The following ALKBH8 variants were observed in gnomAD, a reference collection of about 807,000 sequenced individuals.
The protein encoded by ALKBH8 is alkB homolog 8, tRNA methyltransferase, also known as tRNA (carboxymethyluridine(34)-5-O)-methyltransferase ALKBH8.
Under a neutral mutation model 59.8 loss-of-function variants are expected in ALKBH8, and 36 were observed. The ratio of observed to expected loss-of-function variants is 0.60; its 90% CI spans 0.46 to 0.79. ALKBH8 has a LOEUF of 0.79. Ranked by LOEUF, ALKBH8 falls within the 30% of genes least tolerant of loss-of-function variation. ALKBH8 has a pLI of 0.00. For synonymous variants in ALKBH8, 276 were observed against 273.6 expected, an observed-to-expected ratio of 1.01 and a Z score of -0.09; for missense variants, 768 against 801.0, an observed-to-expected ratio of 0.96 and a Z score of 0.50.
intron 7 of ALKBH8, among the ~76,000 whole-genome samples, chr11:107,545,381 A>C (rs1864206739): frequency 6.6e-6 from 1 of 152,184 alleles, no homozygotes; most frequent in African/African-American, 2.4e-5. Flanking sequence ...TGACTAAAAA[A>C]ACCCATTCAG....
chr11:107,550,190 A>G (rs1864431951), intron 6 of ALKBH8, among the ~76,000 whole-genome samples: 1 of 152,232 alleles, frequency 6.6e-6, no homozygotes. Context: ...CAAAAGCAAT[A>G]ACCAGGTATA....
rs1864365685 is a variant in ALKBH8 at position 107,548,674 on chromosome 11, G to A, written c.771+1079C>T. 2.0e-5 allele frequency among the ~76,000 whole-genome samples: 3 copies of A among 152,268 alleles called. No homozygotes were observed. In the South Asian group the frequency reaches 6.2e-4, roughly 32 times the overall value. On this transcript the variant is annotated intron_variant, in intron 7 of 11. Transcript: ENST00000428149. ...AGTATCAACATGACTACACAAGCTC[G>A]GGAAGGGTTAAGAGGCCAAAACACT...
intron 10 of ALKBH8, 23 bp from the exon 11 acceptor site, chr11:107,511,059 T>C (rs955444085): frequency 1.9e-6 from 3 of 1,550,388 alleles, no homozygotes; most frequent in Non-Finnish European, 1.7e-6. Context: ...AGGAATTCCA[T>C]AACATTTTGT....
chr11:107,539,287 C>T (rs984476395), intron 7 of ALKBH8, among the ~76,000 whole-genome samples: 1 of 152,154 alleles, frequency 6.6e-6, no homozygotes, highest in Non-Finnish European at 1.5e-5. Flanking sequence ...ATGGCCTCCT[C>T]CTTTAGAATA....
rs1178112023 is a variant in ALKBH8, at chr11:107,560,812, T to G, written c.82A>C (p.Thr28Pro). ...FLRKQIKAKH[T>P]LLRHEGIETV... ...TCAATGCCTTCATGTCTCAGCAAAG[T>G]ATGCTTGGCTTTAATCTGTTTCCTT... Residue 28 changes from threonine (T) to proline (P), a missense_variant, in exon 2 of 12, where the codon ACT (threonine) becomes CCT (proline). Transcript: ENST00000428149. 1 of 1,613,430 alleles carries G rather than the reference T, an allele frequency of 6.2e-7. No individual in the cohort carries two copies. The highest frequency in any genetic ancestry group is 2.2e-5 in the East Asian group (1 of 44,778).
In ALKBH8 at chr11:107,565,682, G is replaced by C; in HGVS notation, c.-88C>G. On this transcript the variant is annotated 5_prime_UTR_variant, in exon 1 of 12. Transcript: ENST00000428149. ...CTCTCCACTCTAGCACCAGAACACC[G>C]CAGCGGATACTTGCACGCCATCTCC... 1 of 1,535,194 alleles carries C rather than the reference G, an allele frequency of 6.5e-7. No homozygotes were observed. Among genetic ancestry groups the C allele is most frequent in the Admixed American group, 2.0e-5 (1 of 51,002 alleles).
intron 10 of ALKBH8, among the ~76,000 whole-genome samples, chr11:107,514,117 T>G (rs519800): frequency 0.94 from 142,315 of 152,026 alleles, 66,760 homozygotes; most frequent in South Asian, 0.97. Flanking sequence ...GGCAGGCTTT[T>G]GAAATTTACA....
chr11:107,541,312 T>C (rs1565336937), intron 7 of ALKBH8, among the ~76,000 whole-genome samples: 1 of 152,172 alleles, frequency 6.6e-6, no homozygotes, highest in South Asian at 2.1e-4. Context: ...AACTTCAATT[T>C]AAGACAGAAA....
intron 10 of ALKBH8, among the ~76,000 whole-genome samples, chr11:107,515,776 C>T (rs1025255717): frequency 6.6e-6 from 1 of 152,086 alleles, no homozygotes; most frequent in Non-Finnish European, 1.5e-5. Flanking sequence ...AACAAGGTTC[C>T]ATTTTTCTTC....
intron 10 of ALKBH8, among the ~76,000 whole-genome samples, chr11:107,515,694 T>A (rs1232452049): frequency 6.6e-6 from 1 of 151,996 alleles, no homozygotes; most frequent in Non-Finnish European, 1.5e-5. Flanking sequence ...TCAACAAATA[T>A]TAAATATGTA....
chr11:107,527,019 C>T (rs1223697527), intron 8 of ALKBH8, among the ~76,000 whole-genome samples: 1 of 151,874 alleles, frequency 6.6e-6, no homozygotes, highest in Non-Finnish European at 1.5e-5. Context: ...AACATTGTTT[C>T]AAGATTGTTT....
chr11:107,515,746 T>C (rs1862837561), intron 10 of ALKBH8, among the ~76,000 whole-genome samples: 1 of 152,198 alleles, frequency 6.6e-6, no homozygotes, highest in African/African-American at 2.4e-5. Flanking sequence ...TTCAACCTGA[T>C]AAGCAAAGGT....
At chr11:107,530,600 A>ACAC (rs1863549727) in intron 8 of ALKBH8, among the ~76,000 whole-genome samples, 2 of 132,102 alleles carry the variant, frequency 1.5e-5, no homozygotes, top group Non-Finnish European at 3.2e-5. Context: ...CTCTCTTCCT[A>ACAC]ACACACACAC....
intron 10 of ALKBH8, among the ~76,000 whole-genome samples, chr11:107,514,544 A>T (rs1862777699): frequency 6.6e-6 from 1 of 152,220 alleles, no homozygotes; most frequent in Non-Finnish European, 1.5e-5. Flanking sequence ...AACAATAGTG[A>T]CATGATTCCC....
chr11:107,565,049 G>A (rs1044858749), intron 1 of ALKBH8: 1 of 155,048 alleles, frequency 6.4e-6, no homozygotes, highest in African/African-American at 2.4e-5. Flanking sequence ...GCCTGTTTGT[G>A]TTGGGCTTCG....
chr11:107,559,028 G>A (rs1016266105), intron 2 of ALKBH8, among the ~76,000 whole-genome samples: 1 of 152,148 alleles, frequency 6.6e-6, no homozygotes, highest in African/African-American at 2.4e-5. Flanking sequence ...GAATCATGGG[G>A]GCCATTTCCC....
intron 5 of ALKBH8, 50 bp from the exon 6 acceptor site, chr11:107,551,962 G>T: frequency 1.8e-6 from 2 of 1,098,694 alleles, no homozygotes; most frequent in Non-Finnish European, 2.5e-6. Flanking sequence ...TACTTTGCTT[G>T]TTTTACTCAA....
chr11:107,557,120 C>G, intron 2 of ALKBH8, 117 bp from the exon 3 acceptor site: 1 of 724,270 alleles, frequency 1.4e-6, no homozygotes, highest in Non-Finnish European at 2.0e-6. Context: ...AAAAGCATTT[C>G]CTTGTAGTGG....
In ALKBH8 at chr11:107,504,879, C is replaced by A; in HGVS notation, c.1774G>T (p.Val592Leu). The change falls in exon 12 of 12, where the codon GTA (valine) becomes TTA (leucine). Residue 592 changes from valine (V) to leucine (L), a missense_variant. By Grantham distance (32) the Val-to-Leu change is conservative. Coordinates refer to ENST00000428149, the MANE Select transcript of ALKBH8 (RefSeq NM_138775.3). ...VNRTSFYSQD[V>L]LVPWHLKGNP... Reference sequence around the variant, plus strand: ...CCCTTAAGGTGCCAGGGAACCAGTACATCTTGAGAATAAAAAGAAGTCCTG... The same window carrying A: ...CCCTTAAGGTGCCAGGGAACCAGTAAATCTTGAGAATAAAAAGAAGTCCTG... 10 of 1,551,812 alleles carry A rather than the reference C, an allele frequency of 6.4e-6. No individual in the cohort carries two copies. Among genetic ancestry groups the A allele is most frequent in the Non-Finnish European group, 7.0e-6 (8 of 1,146,996 alleles).
Sources: gnomAD v4.1 joint callset for allele counts (sites outside exome capture counted in the v4.1 genomes callset) on GRCh38, gnomAD v4.1.1 for gene constraint, MANE v1.5 for transcripts, NCBI Gene and HGNC (gene_info 2026-07-23, HGNC 2026-07-21) for gene names.